The following CFAP221 variants were observed in gnomAD, a reference collection of about 807,000 sequenced individuals.
CFAP221 encodes cilia- and flagella-associated protein 221.
A neutral mutation model predicts 113.1 loss-of-function variants in CFAP221; 97 were observed. That is an observed-to-expected ratio of 0.86 (90% CI 0.73 to 1.02). The LOEUF is 1.02. Ranked by LOEUF, CFAP221 falls within the 50% of genes least tolerant of loss-of-function variation. The probability of loss-of-function intolerance (pLI) is 0.00; values close to 1 mark genes in which losing one functional copy is unlikely to be tolerated. For missense variants in CFAP221, 1,025 were observed against 1,013.4 expected, an observed-to-expected ratio of 1.01 and a Z score of -0.16; for synonymous variants, 331 against 354.4, an observed-to-expected ratio of 0.93 and a Z score of 0.74.
chr2:119,625,474 C>A, intron 14 of CFAP221, 109 bp from the exon 15 acceptor site: 1 of 895,784 alleles, frequency 1.1e-6, no homozygotes, highest in Non-Finnish European at 1.7e-6. Context: ...CTCTGACTTG[C>A]AGTGGCAGTC....
chr2:119,567,417 A>C (rs188572785), intron 6 of CFAP221, among the ~76,000 whole-genome samples: 80 of 152,294 alleles, frequency 5.3e-4, no homozygotes, highest in Non-Finnish European at 1.1e-3. Context: ...ATATGCATTT[A>C]AGTTTCCTCC....
At chr2:119,574,221 G>A (rs765207328) in intron 6 of CFAP221, among the ~76,000 whole-genome samples, 13 of 152,286 alleles carry the variant, frequency 8.5e-5, no homozygotes, top group Non-Finnish European at 1.6e-4. Flanking sequence ...TGGGAACAAC[G>A]TCTAGAGCAG....
At chr2:119,626,812 C>A (rs1033105121) in intron 15 of CFAP221, among the ~76,000 whole-genome samples, 13 of 151,870 alleles carry the variant, frequency 8.6e-5, no homozygotes, top group African/African-American at 3.1e-4. Flanking sequence ...TGCCTGTAGT[C>A]CCAGCTACTC....
chr2:119,656,376 A>G lies in CFAP221; in HGVS notation c.2429A>G (p.Gln810Arg). ...TTGATACTCAGAGAAGTGAAAGATC[A>G]AGCACAACCAGCAGAGAAGGCCGGA... ...DIRKEKEVKDQAQPAEKAGEK... is the reference protein window; with the variant it reads ...DIRKEKEVKDRAQPAEKAGEK... The change falls in exon 24 of 24, where the codon CAA becomes CGA. Residue 810 changes from glutamine (Q) to arginine (R), a missense_variant. Physicochemically the swap from Gln to Arg is conservative, Grantham distance 43. Transcript: ENST00000413369. 6.2e-7 allele frequency: 1 copy of G among 1,614,050 alleles called. No homozygotes were observed.
chr2:119,607,717 A>G (rs1194456008), intron 11 of CFAP221, among the ~76,000 whole-genome samples: 1 of 152,146 alleles, frequency 6.6e-6, no homozygotes, highest in Non-Finnish European at 1.5e-5. Flanking sequence ...TTCAGTCTCT[A>G]TGGATTTGCC....
At chr2:119,560,816 A>G (rs905673460) in intron 5 of CFAP221, among the ~76,000 whole-genome samples, 15 of 152,282 alleles carry the variant, frequency 9.9e-5, no homozygotes, top group African/African-American at 3.4e-4. Flanking sequence ...AAAATTTGCA[A>G]AGTTAACTTT....
chr2:119,591,739 A>G (rs1418456016), intron 7 of CFAP221, among the ~76,000 whole-genome samples: 2 of 152,222 alleles, frequency 1.3e-5, no homozygotes, highest in African/African-American at 4.8e-5. Context: ...GCCAGGAAGA[A>G]GTCAGATGGT....
At chr2:119,622,802 T>G (rs1453907085) in intron 14 of CFAP221, among the ~76,000 whole-genome samples, 1 of 152,176 alleles carries the variant, frequency 6.6e-6, no homozygotes, top group Non-Finnish European at 1.5e-5. Flanking sequence ...GAAAAGGCCC[T>G]TGATAAAATT....
chr2:119,572,852 G>A (rs1439750144), intron 6 of CFAP221: 3 of 379,668 alleles, frequency 7.9e-6, no homozygotes, highest in East Asian at 7.5e-5. Flanking sequence ...TAGCCTGCAG[G>A]GCCACATTAA....
At chr2:119,627,393 T>A (rs777934207) in intron 15 of CFAP221, among the ~76,000 whole-genome samples, 33 of 152,100 alleles carry the variant, frequency 2.2e-4, no homozygotes, top group Non-Finnish European at 2.8e-4. Context: ...ACTTCTTTAA[T>A]CTTTTTCTTT....
intron 12 of CFAP221, 28 bp from the exon 13 acceptor site, chr2:119,611,625 T>G: frequency 1.3e-5 from 21 of 1,571,270 alleles, no homozygotes; most frequent in Non-Finnish European, 1.8e-5. Context: ...ATATTCAACT[T>G]AAATTATTTT....
chr2:119,606,607 T>C (rs931006337), intron 11 of CFAP221, among the ~76,000 whole-genome samples: 1 of 152,184 alleles, frequency 6.6e-6, no homozygotes, highest in African/African-American at 2.4e-5. Context: ...AGGTCATCAT[T>C]GTAGGAAACC....
intron 6 of CFAP221, among the ~76,000 whole-genome samples, chr2:119,579,920 C>T (rs992943517): frequency 6.6e-6 from 1 of 152,140 alleles, no homozygotes; most frequent in Non-Finnish European, 1.5e-5. Context: ...GGTTACTGAC[C>T]TAGGGCAACA....
intron 3 of CFAP221, among the ~76,000 whole-genome samples, chr2:119,551,594 C>T (rs1271603857): frequency 6.6e-6 from 1 of 152,112 alleles, no homozygotes; most frequent in African/African-American, 2.4e-5. Flanking sequence ...TCTGAACCCC[C>T]GGTTCTACTC....
chr2:119,656,517 T>A lies in CFAP221; in HGVS notation c.*47T>A. 1.3e-5 allele frequency: 17 copies of A among 1,307,360 alleles called. No individual in the cohort carries two copies. Among genetic ancestry groups the A allele is most frequent in the Non-Finnish European group, 1.8e-5 (16 of 908,878 alleles). The allele number at this position is 1,307,360 out of a possible 1,614,324, so 81.0% of individuals were successfully genotyped here. A position where few individuals can be genotyped will look rare whatever the true frequency, so the allele number is the denominator to read the frequency against. ...CTTCCATTTGCTTTCCGTGGGCCACTGTGGCCCCTTGCGTCCATTTACATG... is the reference window on the plus strand; with the variant it reads ...CTTCCATTTGCTTTCCGTGGGCCACAGTGGCCCCTTGCGTCCATTTACATG... On this transcript the variant is annotated 3_prime_UTR_variant, in exon 24 of 24. Transcript: ENST00000413369.
At chr2:119,615,498 C>T in intron 13 of CFAP221, 113 bp from the exon 14 acceptor site, 1 of 802,284 alleles carries the variant, frequency 1.2e-6, no homozygotes, top group Non-Finnish European at 2.0e-6. Flanking sequence ...CTAAGCAATA[C>T]AACAAATAAA....
chr2:119,625,634 G>A lies in CFAP221; in HGVS notation c.1462G>A (p.Asp488Asn), dbSNP rs1686254130. 6.2e-7 allele frequency: 1 copy of A among 1,613,856 alleles called. No homozygotes were observed. Among genetic ancestry groups the A allele is most frequent in the Admixed American group, 1.7e-5 (1 of 59,994 alleles). Residue 488 changes from aspartate (D) to asparagine (N), a missense_variant, in exon 15 of 24, where the codon GAC (aspartate) becomes AAC (asparagine). Coordinates refer to ENST00000413369, the MANE Select transcript of CFAP221 (RefSeq NM_001271049.2). ...FNMLSAVREM[D>N]KESILRKIGQ... The stretch of plus-strand genomic sequence containing the variant: ...TATGCTGAGTGCTGTTCGTGAAATG[G>A]ACAAAGAGAGTATACTGAGAAAGAT...
chr2:119,550,469 A>G (rs1680340871), intron 3 of CFAP221, among the ~76,000 whole-genome samples: 1 of 152,148 alleles, frequency 6.6e-6, no homozygotes, highest in South Asian at 2.1e-4. Flanking sequence ...TAGGAAAAGG[A>G]TTAGGATTTG....
At chr2:119,586,989 A>G (rs1376964971) in intron 6 of CFAP221, 130 bp from the exon 7 acceptor site, 2 of 597,922 alleles carry the variant, frequency 3.3e-6, no homozygotes, top group African/African-American at 1.9e-5. Flanking sequence ...CCTGGCACAC[A>G]GGAAGTGCCA....
Sources: allele counts gnomAD v4.1 joint callset (sites outside exome capture counted in the v4.1 genomes callset), GRCh38; gene constraint gnomAD v4.1.1; transcripts MANE v1.5; gene names NCBI Gene and HGNC (gene_info 2026-07-23, HGNC 2026-07-21).